The following BID variants were observed in gnomAD, a reference collection of about 807,000 sequenced individuals.
BID encodes BH3 interacting domain death agonist.
In BID, 19 loss-of-function variants were observed where a neutral mutation model predicts 17.4. The ratio of observed to expected loss-of-function variants is 1.09; its 90% CI spans 0.76 to 1.60. The LOEUF is 1.60. BID is among the 40% of genes most tolerant of loss of function. BID has a pLI of 0.00. For synonymous variants in BID, 108 were observed against 102.8 expected (o/e 1.05, Z -0.31); for missense variants, 226 against 256.0 (o/e 0.88, Z 0.80).
intron 1 of BID, among the ~76,000 whole-genome samples, chr22:17,757,527 T>C (rs11703291): frequency 1.3e-5 from 2 of 148,338 alleles, no homozygotes; most frequent in Admixed American, 6.7e-5. Context: ...GCTAACACGG[T>C]GAAACCCCGT....
intron 1 of BID, among the ~76,000 whole-genome samples, chr22:17,758,080 C>T (rs1281079995): frequency 1.3e-5 from 2 of 151,872 alleles, no homozygotes; most frequent in East Asian, 3.8e-4. Context: ...CCTGTGGCCT[C>T]CTGGGGGGTC....
intron 3 of BID, among the ~76,000 whole-genome samples, chr22:17,742,470 T>TCCCCCCCCCCCCCCCCC (rs1158334746): frequency 8.2e-6 from 1 of 121,230 alleles, no homozygotes; most frequent in African/African-American, 3.3e-5. Context: ...CTCAGACACC[T>TCCCCCCCCCCCCCCCCC]CCCCCCACCC....
At chr22:17,762,165 A>G (rs576658669) in intron 1 of BID, among the ~76,000 whole-genome samples, 3 of 152,036 alleles carry the variant, frequency 2.0e-5, no homozygotes, top group Non-Finnish European at 4.4e-5. Context: ...ACACTGACGC[A>G]ATGCTGTTCT....
chr22:17,753,196 G>A (rs1380247308), intron 1 of BID, among the ~76,000 whole-genome samples: 4 of 151,826 alleles, frequency 2.6e-5, no homozygotes, highest in African/African-American at 7.3e-5. Flanking sequence ...TTGATCTCCT[G>A]ACCTCATGAT....
chr22:17,736,897 G>C (rs914330573), intron 5 of BID, among the ~76,000 whole-genome samples: 5 of 152,028 alleles, frequency 3.3e-5, no homozygotes, highest in Non-Finnish European at 5.9e-5. Context: ...TCTGCCACCA[G>C]GGTTCAAGCG....
intron 1 of BID, among the ~76,000 whole-genome samples, chr22:17,757,136 C>T (rs1427644276): frequency 1.2e-4 from 18 of 152,056 alleles, no homozygotes; most frequent in Admixed American, 3.9e-4. Context: ...AGGCTTCGGC[C>T]GGGCACGCTG....
At chr22:17,764,065 C>T (rs903690262) in intron 1 of BID, 2 of 153,666 alleles carry the variant, frequency 1.3e-5, no homozygotes, top group African/African-American at 4.8e-5. Flanking sequence ...TGGGACAGTA[C>T]AGCGTGCTGA....
intron 2 of BID, among the ~76,000 whole-genome samples, chr22:17,745,215 T>A (rs1214421909): frequency 6.6e-6 from 1 of 152,022 alleles, no homozygotes; most frequent in African/African-American, 2.4e-5. Context: ...CACGCCCGGC[T>A]AATTTTTGTA....
intron 2 of BID, among the ~76,000 whole-genome samples, chr22:17,749,030 T>A (rs996436767): frequency 6.6e-6 from 1 of 152,134 alleles, no homozygotes; most frequent in Non-Finnish European, 1.5e-5. Flanking sequence ...GGACCCCCAG[T>A]AGGGGCAGCT....
intron 1 of BID, among the ~76,000 whole-genome samples, chr22:17,750,720 C>G (rs866040560): frequency 6.6e-6 from 1 of 151,680 alleles, no homozygotes; most frequent in Non-Finnish European, 1.5e-5. Context: ...CCCAGCTACT[C>G]GGGAGGCTGA....
Position 17,773,925 on chromosome 22 carries a change from T to C in BID, c.-59+456A>G, listed in dbSNP as rs1388519639. The C allele has an allele frequency of 6.9e-6, 4 of 582,004 alleles. No homozygotes were observed. The Admixed American group carries it at 9.2e-5, about 13-fold the overall frequency. The allele number at this position is 582,004 out of a possible 1,614,324, so 36.1% of individuals were successfully genotyped here. A position where few individuals can be genotyped will look rare whatever the true frequency, so the allele number is the denominator to read the frequency against. On this transcript the variant is annotated intron_variant, in intron 1 of 5. Coordinates refer to ENST00000622694, the MANE Select transcript of BID (RefSeq NM_001196.4). This position sits in a 1 kb window ranked among gnomAD's most constrained non-coding sequence, Gnocchi z 4.4. ...GCTCCGCTCGGGAGGAGCCGGCAGG[T>C]GTCTGCGGTGCTGGAAAGACCACGG...
At position 17,734,761 on chromosome 22, in the gene BID, T is replaced by G. The variant is rs982241307; in HGVS notation, c.*819A>C. The G allele has an allele frequency of 5.9e-5, 9 of 152,234 alleles. No homozygotes were observed. Among genetic ancestry groups the G allele is most frequent in the African/African-American group, 2.2e-4 (9 of 41,462 alleles). The allele number at this position is 152,234 out of a possible 1,614,324, so 9.4% of individuals were successfully genotyped here. A position where few individuals can be genotyped will look rare whatever the true frequency, so the allele number is the denominator to read the frequency against. On this transcript the variant is annotated 3_prime_UTR_variant, in exon 6 of 6. Transcript: ENST00000622694. The stretch of plus-strand genomic sequence containing the variant: ...GGGGCTAACTCCCGGGGCATCGCAG[T>G]AGCTTCTGGCACCCGTGGCTTCATG...
intron 1 of BID, among the ~76,000 whole-genome samples, chr22:17,753,185 CT>C (rs2061554319): frequency 6.6e-6 from 1 of 151,924 alleles, no homozygotes; most frequent in Non-Finnish European, 1.5e-5. Flanking sequence ...CCAGGATGGT[CT>C]TGATCTCCTG....
intron 5 of BID, among the ~76,000 whole-genome samples, chr22:17,737,126 A>AT (rs2061425778): frequency 6.6e-6 from 1 of 151,296 alleles, no homozygotes; most frequent in South Asian, 2.1e-4. Flanking sequence ...ATTTTTATAA[A>AT]TTTTTTAGAG....
intron 2 of BID, among the ~76,000 whole-genome samples, chr22:17,747,173 G>A (rs1239338301): frequency 6.6e-6 from 1 of 152,218 alleles, no homozygotes; most frequent in Non-Finnish European, 1.5e-5. Context: ...ACAGCTGTGT[G>A]GACAGGCTCC....
chr22:17,755,282 G>A (rs773490848), intron 1 of BID, among the ~76,000 whole-genome samples: 31 of 151,882 alleles, frequency 2.0e-4, no homozygotes, highest in Admixed American at 1.2e-3. Context: ...TAGGAACGTC[G>A]ATCCACCCAC....
chr22:17,768,717 G>C (rs1391063357), intron 1 of BID, among the ~76,000 whole-genome samples: 2 of 152,060 alleles, frequency 1.3e-5, no homozygotes, highest in Admixed American at 6.6e-5. Context: ...ACTAAAAATA[G>C]AAAAAATTAG....
chr22:17,750,015 G>A lies in BID; in HGVS notation c.12+90C>T. The A allele has an allele frequency of 1.6e-5, 21 of 1,314,820 alleles. No homozygotes were observed. The South Asian group carries it at 2.7e-4, about 17-fold the overall frequency. 81.4% of individuals were successfully genotyped at this position (1,314,820 alleles called of 1,614,324 possible). On this transcript the variant is annotated intron_variant, in intron 2 of 5. Transcript: ENST00000622694. Reference sequence around the variant, plus strand: ...TAAGGGCCAGGCGGGCTCAGCCTCAGCCCTCAGGGATGCGTGGTGGGGGAC... The same window carrying A: ...TAAGGGCCAGGCGGGCTCAGCCTCAACCCTCAGGGATGCGTGGTGGGGGAC...
chr22:17,758,596 G>A (rs549792712), intron 1 of BID, among the ~76,000 whole-genome samples: 19 of 152,262 alleles, frequency 1.2e-4, no homozygotes, highest in South Asian at 6.2e-4. Flanking sequence ...ATTGACACAC[G>A]CTACAACACA....
Sources: gnomAD v4.1 joint callset for allele counts (sites outside exome capture counted in the v4.1 genomes callset) on GRCh38, gnomAD v4.1.1 for gene constraint, Gnocchi (gnomAD v3.1) non-coding constraint, MANE v1.5 for transcripts, NCBI Gene and HGNC (gene_info 2026-07-23, HGNC 2026-07-21) for gene names.